The following PAK1 variants were observed in gnomAD, a reference collection of about 807,000 sequenced individuals.
The protein encoded by PAK1 is p21 (RAC1) activated kinase 1.
Under a neutral mutation model 67.4 loss-of-function variants are expected in PAK1, and 29 were observed. That is an observed-to-expected ratio of 0.43 (90% CI 0.32 to 0.59). The LOEUF (loss-of-function observed/expected upper bound fraction) is 0.59. PAK1 is among the 20% of genes least tolerant of loss of function. The pLI, the probability that PAK1 is intolerant of heterozygous loss-of-function variation, is 0.07. For missense variants in PAK1, 337 were observed against 670.7 expected (o/e 0.50, Z 5.50); for synonymous variants, 223 against 237.4 (o/e 0.94, Z 0.56).
chr11:77,496,263 C>T, the PAK1 span, among the ~76,000 whole-genome samples: 17 of 151,940 alleles, frequency 1.1e-4, no homozygotes, highest in Non-Finnish European at 2.5e-4. Flanking sequence ...ATGATCCACC[C>T]GCCTCAGCCT....
At chr11:77,447,734 C>T (rs1956680856) in intron 1 of PAK1, among the ~76,000 whole-genome samples, 3 of 151,994 alleles carry the variant, frequency 2.0e-5, no homozygotes, top group Non-Finnish European at 1.5e-5. Flanking sequence ...TCATGTTGGC[C>T]GGACTGGTCT....
At chr11:77,469,484 T>G (rs1056111592) in intron 1 of PAK1, among the ~76,000 whole-genome samples, 1 of 152,168 alleles carries the variant, frequency 6.6e-6, no homozygotes, top group Middle Eastern at 3.2e-3. Flanking sequence ...TTTTAATTGC[T>G]TCATGATCCT....
At chr11:77,512,354 C>T in the PAK1 span, among the ~76,000 whole-genome samples, 23 of 150,468 alleles carry the variant, frequency 1.5e-4, no homozygotes, top group Non-Finnish European at 2.2e-4. Context: ...TCCTTCTACC[C>T]CAGTATGTGG....
chr11:77,493,756 C>T, the PAK1 span, among the ~76,000 whole-genome samples: 1 of 152,068 alleles, frequency 6.6e-6, no homozygotes, highest in Non-Finnish European at 1.5e-5. Flanking sequence ...ATAGGTATTA[C>T]TCTCTCCTTT....
chr11:77,391,923 A>C (rs1305376675), intron 2 of PAK1, among the ~76,000 whole-genome samples: 1 of 152,218 alleles, frequency 6.6e-6, no homozygotes, highest in Non-Finnish European at 1.5e-5. Flanking sequence ...TGGGACCAGG[A>C]AGCTGGAATA....
rs745667567 is a variant in PAK1 at position 77,332,890 on chromosome 11, A to C, written c.1414-23T>G. On this transcript the variant is annotated intron_variant, in intron 13 of 14. Coordinates refer to ENST00000356341, the MANE Select transcript of PAK1 (RefSeq NM_002576.5). ...GGCCTGGCAATAAAAATGGTGAATC[A>C]CCTTGAGCTCCAAATGAGGCTCTCT... 5.6e-6 allele frequency: 9 copies of C among 1,611,252 alleles called. No homozygotes were observed. The South Asian group carries it at 8.8e-5, about 16-fold the overall frequency.
chr11:77,351,384 G>A (rs1945227592), intron 8 of PAK1, among the ~76,000 whole-genome samples: 2 of 151,708 alleles, frequency 1.3e-5, no homozygotes, highest in Non-Finnish European at 2.9e-5. Context: ...TAAATTTACA[G>A]GAAGAAACTC....
chr11:77,462,908 CT>C (rs1471238543), intron 1 of PAK1, among the ~76,000 whole-genome samples: 2 of 136,472 alleles, frequency 1.5e-5, no homozygotes, highest in Non-Finnish European at 3.1e-5. Flanking sequence ...GCTGGCTCCA[CT>C]TTCACTCACT....
the PAK1 span, among the ~76,000 whole-genome samples, chr11:77,514,191 G>T: frequency 1.3e-5 from 2 of 152,066 alleles, no homozygotes; most frequent in East Asian, 3.9e-4. Context: ...ATCATTTTGT[G>T]ACTAAGTATA....
chr11:77,469,617 C>T (rs1308194108), intron 1 of PAK1, among the ~76,000 whole-genome samples: 2 of 151,740 alleles, frequency 1.3e-5, no homozygotes, highest in Non-Finnish European at 2.9e-5. Flanking sequence ...CCTAACTTTT[C>T]CAGGGTTTCA....
rs182150099 is a variant in PAK1, at chr11:77,430,924, C to T, written c.-21-38383G>A. Among the ~76,000 whole-genome samples, 3 of 152,328 alleles carry T rather than the reference C, an allele frequency of 2.0e-5. No homozygotes were observed. The East Asian group carries it at 5.8e-4, about 29-fold the overall frequency. Reference sequence around the variant, plus strand: ...GGGACAAGGGAGCAAAGCTGAGCTCCACCTCCTGTCAGATCAGTGGCAGCA... The same window carrying T: ...GGGACAAGGGAGCAAAGCTGAGCTCTACCTCCTGTCAGATCAGTGGCAGCA... On this transcript the variant is annotated intron_variant, in intron 1 of 14. Transcript: ENST00000356341.
At chr11:77,430,417 G>A (rs1955806440) in intron 1 of PAK1, among the ~76,000 whole-genome samples, 1 of 152,190 alleles carries the variant, frequency 6.6e-6, no homozygotes, top group African/African-American at 2.4e-5. Flanking sequence ...AGTCCTATGA[G>A]TGTCCGAATA....
intron 4 of PAK1, 78 bp from the exon 5 acceptor site, chr11:77,374,443 C>T (rs1235677577): frequency 2.2e-6 from 2 of 893,654 alleles, no homozygotes; most frequent in South Asian, 1.4e-5. Context: ...AGAAGTCTAT[C>T]TGGTCAAGCA....
intron 1 of PAK1, among the ~76,000 whole-genome samples, chr11:77,397,418 C>A (rs181216853): frequency 2.0e-5 from 3 of 152,278 alleles, no homozygotes; most frequent in Admixed American, 6.5e-5. Flanking sequence ...TATAAGCCAT[C>A]GCCCCTGTAG....
chr11:77,461,564 T>C (rs1957346564), intron 1 of PAK1, among the ~76,000 whole-genome samples: 1 of 152,140 alleles, frequency 6.6e-6, no homozygotes, highest in Non-Finnish European at 1.5e-5. Flanking sequence ...CAATGAAGAC[T>C]AAAGAGTAAC....
chr11:77,437,017 A>G (rs1179969716), intron 1 of PAK1, among the ~76,000 whole-genome samples: 1 of 152,224 alleles, frequency 6.6e-6, no homozygotes, highest in Non-Finnish European at 1.5e-5. Context: ...CCTATTTCAC[A>G]GTACTGTTCT....
chr11:77,452,434 T>C (rs1956899864), intron 1 of PAK1, among the ~76,000 whole-genome samples: 1 of 152,192 alleles, frequency 6.6e-6, no homozygotes, highest in Non-Finnish European at 1.5e-5. Flanking sequence ...AGATGTGGTC[T>C]TGACTCTGTA....
chr11:77,397,341 G>A (rs1192935147), intron 1 of PAK1, among the ~76,000 whole-genome samples: 1 of 152,164 alleles, frequency 6.6e-6, no homozygotes, highest in Non-Finnish European at 1.5e-5. Context: ...AAAAGGTAGG[G>A]CAATATTTTA....
chr11:77,358,563 G>A (rs889369935), intron 6 of PAK1, among the ~76,000 whole-genome samples: 1 of 152,068 alleles, frequency 6.6e-6, no homozygotes, highest in Non-Finnish European at 1.5e-5. Context: ...TGCTTCCCTG[G>A]AGACTGGAAT....
Sources: allele counts gnomAD v4.1 joint callset (sites outside exome capture counted in the v4.1 genomes callset), GRCh38; gene constraint gnomAD v4.1.1; transcripts MANE v1.5; gene names NCBI Gene and HGNC (gene_info 2026-07-23, HGNC 2026-07-21).